SHISAL2B: variants seen among roughly 807,000 people sequenced by gnomAD.
SHISAL2B encodes shisa like 2B, also known as protein shisa-like-2B.
SHISAL2B carries 12 observed loss-of-function variants against 16.5 expected under a neutral mutation model. That is an observed-to-expected ratio of 0.73 (90% CI 0.47 to 1.18). The LOEUF (loss-of-function observed/expected upper bound fraction) is 1.18. Among genes scored for constraint, SHISAL2B ranks in the 50% most tolerant of loss-of-function variants. The probability of loss-of-function intolerance (pLI) is 0.00; values close to 1 mark genes in which losing one functional copy is unlikely to be tolerated. For missense variants in SHISAL2B, 183 were observed against 193.6 expected (o/e 0.95, Z 0.33); for synonymous variants, 72 against 75.0 (o/e 0.96, Z 0.21).
In SHISAL2B at chr5:64,718,106, C is replaced by A; in HGVS notation, c.*84C>A. 2 of 1,247,786 alleles carry A rather than the reference C, an allele frequency of 1.6e-6. No homozygotes were observed. The highest frequency in any genetic ancestry group is 2.0e-5 in the South Asian group (1 of 51,252). The allele number at this position is 1,247,786 out of a possible 1,614,324, so 77.3% of individuals were successfully genotyped here. ...GCACTTGAAACGGTTTGTAATATTG[C>A]TTTTCAAAAATTCGTCACTCACAAA... On this transcript the variant is annotated 3_prime_UTR_variant, in exon 3 of 3. Coordinates refer to ENST00000389074, the MANE Select transcript of SHISAL2B (RefSeq NM_001164442.2).
chr5:64,708,053 C>A (rs1741898373), intron 2 of SHISAL2B, among the ~76,000 whole-genome samples: 1 of 152,118 alleles, frequency 6.6e-6, no homozygotes, highest in African/African-American at 2.4e-5. Flanking sequence ...ATTTTACTAG[C>A]AATTTTTTAC....
chr5:64,694,154 G>A, intron 1 of SHISAL2B: 1 of 451,200 alleles, frequency 2.2e-6, no homozygotes, highest in African/African-American at 2.0e-5. Flanking sequence ...GGAAGATAAT[G>A]AAGAAAAAGA....
intron 2 of SHISAL2B, among the ~76,000 whole-genome samples, chr5:64,709,747 G>C (rs1366117928): frequency 2.0e-5 from 3 of 151,156 alleles, no homozygotes; most frequent in Non-Finnish European, 2.9e-5. Context: ...GTGTGAGATG[G>C]TATCTCATAG....
intron 1 of SHISAL2B, chr5:64,694,025 C>G: frequency 2.2e-6 from 1 of 450,802 alleles, no homozygotes; most frequent in Non-Finnish European, 4.4e-6. Flanking sequence ...CTCCTTCCTC[C>G]CAAAGCAACA....
At chr5:64,717,579 AC>A (rs1742075115) in intron 2 of SHISAL2B, among the ~76,000 whole-genome samples, 1 of 152,184 alleles carries the variant, frequency 6.6e-6, no homozygotes, top group Non-Finnish European at 1.5e-5. Flanking sequence ...GGACAGTCAC[AC>A]TTTTGTTAAG....
intron 2 of SHISAL2B, among the ~76,000 whole-genome samples, chr5:64,707,413 A>ACGGGGAC (rs1272699522): frequency 2.0e-5 from 3 of 152,208 alleles, no homozygotes; most frequent in South Asian, 2.1e-4. Flanking sequence ...GGAGCCCTCT[A>ACGGGGAC]CGGGGACCGT....
chr5:64,716,739 A>G (rs1228174007), intron 2 of SHISAL2B, among the ~76,000 whole-genome samples: 1 of 152,204 alleles, frequency 6.6e-6, no homozygotes, highest in Non-Finnish European at 1.5e-5. Flanking sequence ...ATGTTTAATC[A>G]AAGAGGTTGG....
chr5:64,703,577 C>T (rs1741838495), intron 2 of SHISAL2B, among the ~76,000 whole-genome samples: 1 of 152,088 alleles, frequency 6.6e-6, no homozygotes, highest in Admixed American at 6.6e-5. Flanking sequence ...AACCAATAAG[C>T]AAAATAGAAG....
At position 64,690,599 on chromosome 5, in the gene SHISAL2B, G is replaced by T; in HGVS notation, c.-25G>T. On this transcript the variant is annotated 5_prime_UTR_variant, in exon 1 of 3. Transcript: ENST00000389074. Reference sequence around the variant, plus strand: ...TCCGAGAGCAGACCGGGGCCCTCGCGAGCCTCTCCCGGCCCCTGCCCGCGA... The same window carrying T: ...TCCGAGAGCAGACCGGGGCCCTCGCTAGCCTCTCCCGGCCCCTGCCCGCGA... The T allele has an allele frequency of 6.9e-7, 1 of 1,444,168 alleles. No individual in the cohort carries two copies. The highest frequency in any genetic ancestry group is 9.1e-7 in the Non-Finnish European group (1 of 1,095,716). 89.5% of individuals were successfully genotyped at this position (1,444,168 alleles called of 1,614,324 possible). A position where few individuals can be genotyped will look rare whatever the true frequency, so the allele number is the denominator to read the frequency against.
chr5:64,701,514 T>C (rs899284778), intron 2 of SHISAL2B, among the ~76,000 whole-genome samples: 1 of 152,166 alleles, frequency 6.6e-6, no homozygotes, highest in Admixed American at 6.5e-5. Context: ...TGAATATCTA[T>C]TGATATTCTG....
chr5:64,703,859 C>G (rs930330949), intron 2 of SHISAL2B, among the ~76,000 whole-genome samples: 11 of 152,058 alleles, frequency 7.2e-5, no homozygotes, highest in African/African-American at 2.2e-4. Flanking sequence ...TCTTTATATA[C>G]TTGAGGGGAA....
intron 2 of SHISAL2B, among the ~76,000 whole-genome samples, chr5:64,717,624 GTA>G (rs1742075891): frequency 6.6e-6 from 1 of 152,110 alleles, no homozygotes; most frequent in Non-Finnish European, 1.5e-5. Context: ...TATCAGATGT[GTA>G]GTTATTTTCC....
At chr5:64,702,392 G>C (rs1020840413) in intron 2 of SHISAL2B, among the ~76,000 whole-genome samples, 3 of 152,064 alleles carry the variant, frequency 2.0e-5, no homozygotes, top group African/African-American at 7.2e-5. Context: ...TAGAGATGGG[G>C]TTTCTCTATG....
At chr5:64,714,094 C>A (rs1210220539) in intron 2 of SHISAL2B, among the ~76,000 whole-genome samples, 1 of 148,374 alleles carries the variant, frequency 6.7e-6, no homozygotes, top group Non-Finnish European at 1.5e-5. Context: ...GAACTGCGTT[C>A]CTTTGGAGGA....
intron 1 of SHISAL2B, 133 bp from the exon 2 acceptor site, chr5:64,695,374 C>G: frequency 1.8e-6 from 1 of 550,850 alleles, no homozygotes; most frequent in East Asian, 3.1e-5. Flanking sequence ...TCAATCAGTT[C>G]CTTTTTATGC....
At chr5:64,710,071 T>C (rs1315919338) in intron 2 of SHISAL2B, among the ~76,000 whole-genome samples, 40 of 147,470 alleles carry the variant, frequency 2.7e-4, no homozygotes, top group African/African-American at 9.6e-4. Flanking sequence ...TTGGCTTTTG[T>C]TGCCATTGCT....
rs1742087187 is a variant in SHISAL2B at position 64,718,133 on chromosome 5, C to G, written c.*111C>G. On this transcript the variant is annotated 3_prime_UTR_variant, in exon 3 of 3. Coordinates refer to ENST00000389074, the MANE Select transcript of SHISAL2B (RefSeq NM_001164442.2). ...TTTCAAAAATTCGTCACTCACAAAG[C>G]AAGACACAGCTGCATTTTTGATCAT... 3.6e-6 allele frequency: 3 copies of G among 822,514 alleles called. No individual in the cohort carries two copies. In the South Asian group the frequency reaches 8.0e-5, roughly 22 times the overall value. The allele number at this position is 822,514 out of a possible 1,614,324, so 51.0% of individuals were successfully genotyped here.
chr5:64,694,440 C>CT (rs534129765), intron 1 of SHISAL2B, among the ~76,000 whole-genome samples: 16 of 152,224 alleles, frequency 1.1e-4, no homozygotes, highest in East Asian at 3.9e-4. Context: ...CAAGATAATG[C>CT]TTTTTTTCCC....
intron 2 of SHISAL2B, among the ~76,000 whole-genome samples, chr5:64,717,179 A>T (rs530377147): frequency 1.3e-5 from 2 of 152,340 alleles, no homozygotes; most frequent in East Asian, 1.9e-4. Context: ...AAATCAAAGA[A>T]GATGAGAATG....
Sources: gnomAD v4.1 joint callset for allele counts (sites outside exome capture counted in the v4.1 genomes callset) on GRCh38, gnomAD v4.1.1 for gene constraint, MANE v1.5 for transcripts, NCBI Gene and HGNC (gene_info 2026-07-23, HGNC 2026-07-21) for gene names.